The following MAP3K4 variants were observed in gnomAD, a reference collection of about 807,000 sequenced individuals.
MAP3K4 encodes MAP three kinase 1.
Under a neutral mutation model 185.6 loss-of-function variants are expected in MAP3K4, and 67 were observed. The ratio of observed to expected loss-of-function variants is 0.36; its 90% CI spans 0.30 to 0.44. The LOEUF (loss-of-function observed/expected upper bound fraction) is 0.44. Among genes scored for constraint, MAP3K4 ranks in the 20% least tolerant of loss-of-function variants. MAP3K4 has a pLI of 1.00. For synonymous variants in MAP3K4, 702 were observed against 710.4 expected (o/e 0.99, Z 0.19); for missense variants, 1,551 against 1,995.1 (o/e 0.78, Z 4.24).
At chr6:161,099,761 T>C (rs1205563365) in intron 17 of MAP3K4, among the ~76,000 whole-genome samples, 2 of 152,224 alleles carry the variant, frequency 1.3e-5, no homozygotes, top group African/African-American at 2.4e-5. Context: ...CCTCCCTCTT[T>C]TTAAAGGTTG....
intron 1 of MAP3K4, among the ~76,000 whole-genome samples, chr6:161,014,571 A>C (rs1781995135): frequency 6.6e-6 from 1 of 152,134 alleles, no homozygotes; most frequent in Non-Finnish European, 1.5e-5. Flanking sequence ...CCCTTTTTTT[A>C]TATGAGGATG....
chr6:160,992,203 C>G, intron 1 of MAP3K4, 120 bp downstream of exon 1: 6 of 1,323,748 alleles, frequency 4.5e-6, no homozygotes, highest in Non-Finnish European at 5.9e-6. Context: ...CCAGTCTCTG[C>G]AGGCTGGGGC....
intron 1 of MAP3K4, among the ~76,000 whole-genome samples, chr6:161,016,595 T>C (rs1349031122): frequency 6.6e-6 from 1 of 152,244 alleles, no homozygotes; most frequent in East Asian, 1.9e-4. Context: ...TTAAAAAGAC[T>C]GTCCTTTTCC....
intron 3 of MAP3K4, among the ~76,000 whole-genome samples, chr6:161,069,518 G>A (rs137883831): frequency 6.6e-6 from 1 of 152,150 alleles, no homozygotes; most frequent in Non-Finnish European, 1.5e-5. Context: ...GGTGAGACTA[G>A]GTCATGGAGG....
In MAP3K4 at chr6:161,088,391, A is replaced by G. The variant is rs916941250; in HGVS notation, c.2823+437A>G. Among the ~76,000 whole-genome samples the G allele has an allele frequency of 1.3e-5, 2 of 152,182 alleles. No individual in the cohort carries two copies. Among genetic ancestry groups the G allele is most frequent in the African/African-American group, 4.8e-5 (2 of 41,442 alleles). On this transcript the variant is annotated intron_variant, in intron 10 of 26. Transcript: ENST00000392142. The surrounding 1 kb of genome is among the most constrained non-coding windows in gnomAD (Gnocchi z 4.5). ...CTCGTGACAGTTTCTATAACTCATT[A>G]GTTATAAACTATGAGAAGCTTTCTC... is the stretch of plus-strand genomic sequence containing the variant.
At chr6:160,992,365 C>A in intron 1 of MAP3K4, 1 of 469,612 alleles carries the variant, frequency 2.1e-6, no homozygotes, top group Non-Finnish European at 3.7e-6. Flanking sequence ...CTCAACGTTG[C>A]GGGGGCTGGG....
intron 1 of MAP3K4, among the ~76,000 whole-genome samples, chr6:161,006,338 T>C (rs1047070562): frequency 6.6e-6 from 1 of 152,234 alleles, no homozygotes; most frequent in African/African-American, 2.4e-5. Flanking sequence ...CAACTGCAGA[T>C]TGAAAATATT....
intron 2 of MAP3K4, among the ~76,000 whole-genome samples, chr6:161,040,358 G>A (rs1352957959): frequency 6.6e-6 from 1 of 152,142 alleles, no homozygotes; most frequent in Admixed American, 6.5e-5. Flanking sequence ...TACAGCTTCA[G>A]AAATGTCTCA....
intron 6 of MAP3K4, among the ~76,000 whole-genome samples, chr6:161,081,485 G>A (rs902893713): frequency 3.3e-5 from 5 of 152,184 alleles, no homozygotes; most frequent in Non-Finnish European, 7.4e-5. Flanking sequence ...TCTTGGTGGG[G>A]ACATGCAGAA....
At chr6:161,016,558 T>TA (rs1429647992) in intron 1 of MAP3K4, among the ~76,000 whole-genome samples, 1 of 152,248 alleles carries the variant, frequency 6.6e-6, no homozygotes, top group Non-Finnish European at 1.5e-5. Flanking sequence ...TTCCTTTTCT[T>TA]ATAGCTGGTT....
rs936940820 is a variant in MAP3K4 at position 161,107,660 on chromosome 6, G to A, written c.4049-239G>A. 2.2e-4 allele frequency among the ~76,000 whole-genome samples: 33 copies of A among 152,090 alleles called. No homozygotes were observed. Among genetic ancestry groups the A allele is most frequent in the African/African-American group, 7.2e-4 (30 of 41,396 alleles). ...GCTTCTCCTGGAATTTACCAAAGTC[G>A]GTTCTGCTCTATTTAAAGATACTTG... is the stretch of plus-strand genomic sequence containing the variant. On this transcript the variant is annotated intron_variant, in intron 20 of 26. Coordinates refer to ENST00000392142, the MANE Select transcript of MAP3K4 (RefSeq NM_005922.4). The surrounding 1 kb of genome is among the most constrained non-coding windows in gnomAD (Gnocchi z 6.2).
chr6:161,088,981 A>G lies in MAP3K4; in HGVS notation c.2824-341A>G, dbSNP rs1298707749. On this transcript the variant is annotated intron_variant, in intron 10 of 26. Coordinates refer to ENST00000392142, the MANE Select transcript of MAP3K4 (RefSeq NM_005922.4). This position sits in a 1 kb window ranked among gnomAD's most constrained non-coding sequence, Gnocchi z 4.5. ...TCTTATTCCTACATTTTCCTTCTTCATATGCTGCTCCAATACACACACACA... is the reference window on the plus strand; with the variant it reads ...TCTTATTCCTACATTTTCCTTCTTCGTATGCTGCTCCAATACACACACACA... Among the ~76,000 whole-genome samples, 1 of 152,038 alleles carries G rather than the reference A, an allele frequency of 6.6e-6. No individual in the cohort carries two copies. The highest frequency in any genetic ancestry group is 1.5e-5 in the Non-Finnish European group (1 of 67,994).
At chr6:161,020,287 T>TTGTTTGTC (rs1345529406) in intron 1 of MAP3K4, among the ~76,000 whole-genome samples, 6 of 148,116 alleles carry the variant, frequency 4.1e-5, no homozygotes, top group African/African-American at 1.5e-4. Context: ...GTTTGTTTGT[T>TTGTTTGTC]TGTTTGAGAC....
intron 3 of MAP3K4, among the ~76,000 whole-genome samples, chr6:161,066,595 G>A (rs889986315): frequency 1.3e-4 from 19 of 151,936 alleles, no homozygotes; most frequent in African/African-American, 4.1e-4. Context: ...GTTCTCTCCT[G>A]TTTTCTACAT....
At chr6:161,099,407 A>G (rs1326748369) in intron 17 of MAP3K4, among the ~76,000 whole-genome samples, 5 of 152,242 alleles carry the variant, frequency 3.3e-5, no homozygotes, top group African/African-American at 7.2e-5. Flanking sequence ...TAATACTTCT[A>G]AATTTTAGTG....
intron 11 of MAP3K4, among the ~76,000 whole-genome samples, chr6:161,090,422 G>C (rs1213731503): frequency 6.6e-6 from 1 of 151,696 alleles, no homozygotes; most frequent in Admixed American, 6.6e-5. Flanking sequence ...TGGTCGTGGA[G>C]GGCCGTCCTG....
chr6:161,015,862 T>C (rs1406164161), intron 1 of MAP3K4, among the ~76,000 whole-genome samples: 2 of 152,122 alleles, frequency 1.3e-5, no homozygotes, highest in Admixed American at 6.5e-5. Flanking sequence ...ACCTCCAACA[T>C]TGGGGATAAA....
In MAP3K4 at chr6:161,110,035, A is replaced by G. The variant is rs3823056; in HGVS notation, c.4396+121A>G. The G allele has an allele frequency of 1.9e-6, 2 of 1,033,890 alleles. No homozygotes were observed. Among genetic ancestry groups the G allele is most frequent in the Non-Finnish European group, 2.9e-6 (2 of 695,430 alleles). 64.0% of individuals were successfully genotyped at this position (1,033,890 alleles called of 1,614,324 possible). On this transcript the variant is annotated intron_variant, in intron 23 of 26. Transcript: ENST00000392142. This position sits in a 1 kb window ranked among gnomAD's most constrained non-coding sequence, Gnocchi z 4.8. ...ATTTCTCTAGATGGAAATACCTTTC[A>G]TTGAAATACGCCTCTATAAGGATCC...
Position 161,034,573 on chromosome 6 carries a change from T to TA in MAP3K4, c.343+124_343+125insA, listed in dbSNP as rs1026205618. The TA allele has an allele frequency of 8.2e-5, 50 of 612,838 alleles. No individual in the cohort carries two copies. In the African/African-American group the frequency reaches 2.9e-3, roughly 36 times the overall value. 38.0% of individuals were successfully genotyped at this position (612,838 alleles called of 1,614,324 possible). A position where few individuals can be genotyped will look rare whatever the true frequency, so the allele number is the denominator to read the frequency against. Reference sequence around the variant, plus strand: ...ATTTTAATGCTCCTGTAAAGTTCAATTTTTTTTTGAATTATTACCATTAGT... The same window carrying TA: ...ATTTTAATGCTCCTGTAAAGTTCAATATTTTTTTTGAATTATTACCATTAGT... On this transcript the variant is annotated intron_variant, in intron 2 of 26. Transcript: ENST00000392142. The surrounding 1 kb of genome is among the most constrained non-coding windows in gnomAD (Gnocchi z 4.4).
Sources: gnomAD v4.1 joint callset for allele counts (sites outside exome capture counted in the v4.1 genomes callset) on GRCh38, gnomAD v4.1.1 for gene constraint, Gnocchi (gnomAD v3.1) non-coding constraint, MANE v1.5 for transcripts, NCBI Gene and HGNC (gene_info 2026-07-23, HGNC 2026-07-21) for gene names.